EPB41L4B: variants seen among roughly 807,000 people sequenced by gnomAD.
The protein encoded by EPB41L4B is erythrocyte membrane protein band 4.1 like 4B.
EPB41L4B carries 30 observed loss-of-function variants against 112.5 expected under a neutral mutation model. The observed-to-expected ratio is 0.27, with a 90% CI of 0.20 to 0.36. EPB41L4B has a LOEUF of 0.36. EPB41L4B is among the 10% of genes least tolerant of loss of function. The pLI is 1.00. For synonymous variants in EPB41L4B, 408 were observed against 439.7 expected (o/e 0.93, Z 0.90); for missense variants, 1,024 against 1,133.3 (o/e 0.90, Z 1.38).
At chr9:109,281,739 TTA>T (rs1836067425) in intron 1 of EPB41L4B, among the ~76,000 whole-genome samples, 1 of 144,024 alleles carries the variant, frequency 6.9e-6, no homozygotes, top group Non-Finnish European at 1.5e-5. Context: ...TTAATTAATT[TTA>T]AAAAAGATCA....
At chr9:109,195,429 G>A (rs1832607648) in intron 20 of EPB41L4B, among the ~76,000 whole-genome samples, 1 of 152,188 alleles carries the variant, frequency 6.6e-6, no homozygotes, top group Admixed American at 6.5e-5. Flanking sequence ...GAAGCCTCAA[G>A]GGAAGGACTT....
At chr9:109,242,621 G>A (rs1212929911) in intron 15 of EPB41L4B, among the ~76,000 whole-genome samples, 1 of 152,086 alleles carries the variant, frequency 6.6e-6, no homozygotes, top group African/African-American at 2.4e-5. Flanking sequence ...ATCACGCTTT[G>A]GGGTTACAAA....
chr9:109,251,876 G>C (rs950703537), intron 12 of EPB41L4B, among the ~76,000 whole-genome samples: 15 of 152,370 alleles, frequency 9.8e-5, no homozygotes, highest in African/African-American at 2.9e-4. Context: ...ATAAGCATGG[G>C]TCTGGACTGA....
intron 20 of EPB41L4B, among the ~76,000 whole-genome samples, chr9:109,199,137 A>G (rs1487762417): frequency 6.6e-6 from 1 of 152,168 alleles, no homozygotes; most frequent in Non-Finnish European, 1.5e-5. Flanking sequence ...TCAGGTGCAC[A>G]TGTGCCCTGG....
chr9:109,226,755 AAT>A (rs34926347), intron 15 of EPB41L4B, among the ~76,000 whole-genome samples: 64,220 of 135,626 alleles, frequency 0.47, 15,836 homozygotes, highest in Admixed American at 0.57. Flanking sequence ...ATATATGAAG[AAT>A]ATATATATAT....
At position 109,293,780 on chromosome 9, in the gene EPB41L4B, G is replaced by A. The variant is rs558484675; in HGVS notation, c.307-13859C>T. ...CTCTGTTTAGGAGAAAGATGTTAAC[G>A]ATATTGGACTCTCTGAGGCTGCCTT... On this transcript the variant is annotated intron_variant, in intron 1 of 25. Transcript: ENST00000374566. Among the ~76,000 whole-genome samples the A allele has an allele frequency of 4.0e-5, 6 of 150,930 alleles. 1 individual carries two copies. In the East Asian group the frequency reaches 7.8e-4, roughly 20 times the overall value.
Position 109,217,155 on chromosome 9 carries a change from G to T in EPB41L4B, c.1410-10C>A, listed in dbSNP as rs996572031. 2 of 1,612,590 alleles carry T rather than the reference G, an allele frequency of 1.2e-6. No individual in the cohort carries two copies. Among genetic ancestry groups the T allele is most frequent in the African/African-American group, 2.7e-5 (2 of 74,914 alleles). On this transcript the variant is annotated splice_polypyrimidine_tract_variant and intron_variant, in intron 15 of 25. Coordinates refer to ENST00000374566, the MANE Select transcript of EPB41L4B (RefSeq NM_019114.5). Reference sequence around the variant, plus strand: ...GGAAGGGAGCGGGTAGCTGTGGAGGGTGACACAGTCAGGATTTAGAAAAGC... The same window carrying T: ...GGAAGGGAGCGGGTAGCTGTGGAGGTTGACACAGTCAGGATTTAGAAAAGC...
intron 15 of EPB41L4B, among the ~76,000 whole-genome samples, chr9:109,226,843 T>TAC (rs1833800232): frequency 6.7e-6 from 1 of 149,002 alleles, no homozygotes; most frequent in African/African-American, 2.5e-5. Flanking sequence ...TATATATATA[T>TAC]ATTTGTTTTT....
intron 24 of EPB41L4B, among the ~76,000 whole-genome samples, chr9:109,178,862 A>G (rs1474316999): frequency 7.2e-6 from 1 of 139,860 alleles, no homozygotes; most frequent in African/African-American, 2.7e-5. Context: ...ACCAAACTGT[A>G]CTAGTAGTCA....
chr9:109,284,038 C>T (rs955844729), intron 1 of EPB41L4B, among the ~76,000 whole-genome samples: 2 of 151,954 alleles, frequency 1.3e-5, no homozygotes, highest in Non-Finnish European at 2.9e-5. Context: ...TTGCAATAAG[C>T]TGCATTGTAC....
At chr9:109,235,674 A>C (rs1834114781) in intron 15 of EPB41L4B, among the ~76,000 whole-genome samples, 1 of 152,204 alleles carries the variant, frequency 6.6e-6, no homozygotes, top group Non-Finnish European at 1.5e-5. Flanking sequence ...CTGGGATTAC[A>C]GGTATGATTC....
chr9:109,284,347 C>T (rs1018263015), intron 1 of EPB41L4B, among the ~76,000 whole-genome samples: 2 of 152,180 alleles, frequency 1.3e-5, no homozygotes, highest in Non-Finnish European at 2.9e-5. Flanking sequence ...CTTAGTCAAA[C>T]CACTGTAAAT....
Position 109,264,690 on chromosome 9 carries a change from G to A in EPB41L4B, c.578+290C>T, listed in dbSNP as rs574937775. On this transcript the variant is annotated intron_variant, in intron 5 of 25. Coordinates refer to ENST00000374566, the MANE Select transcript of EPB41L4B (RefSeq NM_019114.5). The stretch of plus-strand genomic sequence containing the variant: ...AATAACGTATCTTGCTTGCAAATAC[G>A]ACAAAAGCCATTATGAATGGGACAG... Among the ~76,000 whole-genome samples, 20 of 152,256 alleles carry A rather than the reference G, an allele frequency of 1.3e-4. No individual in the cohort carries two copies. In the South Asian group the frequency reaches 4.1e-3, roughly 32 times the overall value.
intron 1 of EPB41L4B, among the ~76,000 whole-genome samples, chr9:109,310,426 C>T (rs535451547): frequency 1.7e-4 from 26 of 152,130 alleles, no homozygotes; most frequent in African/African-American, 5.1e-4. Flanking sequence ...TTCCTAAGCT[C>T]GGTGGTGGGC....
intron 1 of EPB41L4B, among the ~76,000 whole-genome samples, chr9:109,295,444 A>C (rs531442712): frequency 2.6e-4 from 39 of 152,326 alleles, no homozygotes; most frequent in African/African-American, 8.9e-4. Flanking sequence ...CAAGCTCCTC[A>C]GTGGACATAC....
chr9:109,295,216 C>T (rs996431022), intron 1 of EPB41L4B, among the ~76,000 whole-genome samples: 1 of 152,084 alleles, frequency 6.6e-6, no homozygotes, highest in Non-Finnish European at 1.5e-5. Flanking sequence ...ACAGACACCA[C>T]GTCCTTTTAC....
chr9:109,267,441 T>G (rs771726241), intron 4 of EPB41L4B, 32 bp downstream of exon 4: 2 of 1,481,634 alleles, frequency 1.3e-6, no homozygotes, highest in Non-Finnish European at 1.9e-6. Context: ...CAAGCCCTGC[T>G]GGGCGGGAGC....
In EPB41L4B at chr9:109,318,150, C is replaced by CGTGTGTGT. The variant is rs3983533; in HGVS notation, c.306+1983_306+1990dup. ...TCTGCCTGTGGACAGGGGGCATATA[C>CGTGTGTGT]GTGTGTGTGTGTGTGTGTGTGTGTG... On this transcript the variant is annotated intron_variant, in intron 1 of 25. Coordinates refer to ENST00000374566, the MANE Select transcript of EPB41L4B (RefSeq NM_019114.5). 8.9e-4 allele frequency among the ~76,000 whole-genome samples: 133 copies of CGTGTGTGT among 149,588 alleles called. 2 individuals are homozygous for CGTGTGTGT. The highest frequency in any genetic ancestry group is 3.1e-3 in the African/African-American group (127 of 40,814).
chr9:109,204,545 G>T (rs1832933769), intron 18 of EPB41L4B, among the ~76,000 whole-genome samples: 1 of 152,098 alleles, frequency 6.6e-6, no homozygotes, highest in Non-Finnish European at 1.5e-5. Flanking sequence ...AGGCTGGAGT[G>T]CAGCAGCACG....
Sources: allele counts gnomAD v4.1 joint callset (sites outside exome capture counted in the v4.1 genomes callset), GRCh38; gene constraint gnomAD v4.1.1; transcripts MANE v1.5; gene names NCBI Gene and HGNC (gene_info 2026-07-23, HGNC 2026-07-21).